PCDHA9: variants seen among roughly 807,000 people sequenced by gnomAD.
The protein encoded by PCDHA9 is protocadherin alpha-9.
PCDHA9 carries 62 observed loss-of-function variants against 62.0 expected under a neutral mutation model. That is an observed-to-expected ratio of 1.00 (90% CI 0.81 to 1.23). PCDHA9 has a LOEUF of 1.23. Ranked by LOEUF, PCDHA9 falls within the 50% of genes most tolerant of loss-of-function variation. The pLI is 0.00. For synonymous variants in PCDHA9, 557 were observed against 567.6 expected (o/e 0.98, Z 0.27); for missense variants, 1,205 against 1,249.8 (o/e 0.96, Z 0.54).
chr5:140,905,019 A>C (rs1000367022), intron 1 of PCDHA9, among the ~76,000 whole-genome samples: 23 of 152,044 alleles, frequency 1.5e-4, no homozygotes, highest in African/African-American at 5.6e-4. Context: ...ATTCTTTTCT[A>C]TGCAGAAGCT....
rs576802253 is a variant in PCDHA9 at position 140,888,837 on chromosome 5, C to T, written c.2394+37948C>T. ...GATCTGTGATCACATCACTCCACTG[C>T]AGCCTGGTGACAGAGTGAGACCATG... is the stretch of plus-strand genomic sequence containing the variant. On this transcript the variant is annotated intron_variant, in intron 1 of 3. Coordinates refer to ENST00000532602, the MANE Select transcript of PCDHA9 (RefSeq NM_031857.2). Among the ~76,000 whole-genome samples, 5 of 152,130 alleles carry T rather than the reference C, an allele frequency of 3.3e-5. No individual in the cohort carries two copies. In the South Asian group the frequency reaches 1.0e-3, roughly 32 times the overall value.
chr5:140,902,284 T>C (rs2069352303), intron 1 of PCDHA9, among the ~76,000 whole-genome samples: 2 of 149,984 alleles, frequency 1.3e-5, no homozygotes, highest in South Asian at 4.3e-4. Context: ...GCAATCCTCC[T>C]GCCTCAGCCT....
intron 3 of PCDHA9, chr5:140,988,770 G>A (rs1388594585): frequency 6.6e-6 from 1 of 152,168 alleles, no homozygotes; most frequent in African/African-American, 2.4e-5. Flanking sequence ...TACAGTCATG[G>A]TTAAGACCAT....
chr5:140,938,875 C>T (rs2092238013), intron 1 of PCDHA9, among the ~76,000 whole-genome samples: 1 of 151,912 alleles, frequency 6.6e-6, no homozygotes. Flanking sequence ...AGTTAAGAAG[C>T]AACACACACA....
chr5:140,986,566 TTA>T (rs782155316), intron 3 of PCDHA9, among the ~76,000 whole-genome samples: 3 of 152,114 alleles, frequency 2.0e-5, no homozygotes, highest in Non-Finnish European at 4.4e-5. Context: ...TTGTTATCTG[TTA>T]TTGGTTTTTC....
Position 140,849,915 on chromosome 5 carries a change from A to T in PCDHA9, c.1420A>T (p.Ile474Phe), listed in dbSNP as rs1554143492. The T allele has an allele frequency of 1.9e-6, 3 of 1,598,260 alleles. No homozygotes were observed. The highest frequency in any genetic ancestry group is 8.6e-7 in the Non-Finnish European group (1 of 1,167,778). Residue 474 changes from isoleucine to phenylalanine, a missense_variant, in exon 1 of 4, where the codon ATC (isoleucine) becomes TTC (phenylalanine). Transcript: ENST00000532602. ...VKENNPPGCH[I>F]FTVSARDADA... ...GGAGAACAACCCGCCGGGCTGCCAC[A>T]TCTTCACGGTGTCTGCGCGGGACGC...
At chr5:140,967,547 A>G (rs1554229662) in intron 1 of PCDHA9, 1 of 1,613,890 alleles carries the variant, frequency 6.2e-7, no homozygotes, top group Non-Finnish European at 8.5e-7. Context: ...TGACCAGTCC[A>G]CTTATCGCGT....
rs2150481725 is a variant in PCDHA9, at chr5:140,850,382, C to T, written c.1887C>T (p.Gly629=). The T allele has an allele frequency of 1.3e-6, 2 of 1,597,874 alleles. No individual in the cohort carries two copies. The highest frequency in any genetic ancestry group is 2.2e-5 in the East Asian group (1 of 44,842). Residue 629 remains glycine (G), a synonymous_variant, in exon 1 of 4, where the codon GGC becomes GGT. Coordinates refer to ENST00000532602, the MANE Select transcript of PCDHA9 (RefSeq NM_031857.2). The stretch of plus-strand genomic sequence containing the variant: ...CGTTCCGCGTGGGGCTGTACACGGG[C>T]GAGATCAGCACAACGCGTGCCCTGG... ...SIPFRVGLYT[G]EISTTRALDE...
chr5:140,891,596 A>T (rs191602934), intron 1 of PCDHA9, among the ~76,000 whole-genome samples: 2 of 152,134 alleles, frequency 1.3e-5, no homozygotes, highest in African/African-American at 4.8e-5. Flanking sequence ...ACTCTATCCC[A>T]TCTATTTCTA....
rs868946985 is a variant in PCDHA9, at chr5:140,985,825, T to C, written c.2542+3262T>C. ...CACGATCTCAGCTCACAACAAGCTC[T>C]GCCTCCCGGGTTCATGCCACTCTCC... On this transcript the variant is annotated intron_variant, in intron 3 of 3. Transcript: ENST00000532602. 4.1e-4 allele frequency among the ~76,000 whole-genome samples: 61 copies of C among 148,858 alleles called. 1 individual carries two copies. The highest frequency in any genetic ancestry group is 2.7e-4 in the Admixed American group (4 of 14,688).
chr5:140,968,657 G>T (rs782383428), intron 1 of PCDHA9: 16 of 1,614,142 alleles, frequency 9.9e-6, no homozygotes, highest in Non-Finnish European at 1.4e-5. Flanking sequence ...TTCTGACCTG[G>T]ACCTCTTTAA....
At chr5:140,923,888 G>A (rs575485843) in intron 1 of PCDHA9, among the ~76,000 whole-genome samples, 1 of 152,294 alleles carries the variant, frequency 6.6e-6, no homozygotes, top group Admixed American at 6.5e-5. Context: ...GTGTGAAAGA[G>A]GAGGAGTTTC....
chr5:140,935,280 G>A (rs1039041502), intron 1 of PCDHA9, among the ~76,000 whole-genome samples: 2 of 152,114 alleles, frequency 1.3e-5, no homozygotes, highest in Admixed American at 6.5e-5. Context: ...ATCTAATAAA[G>A]TTCAGCACTC....
intron 1 of PCDHA9, chr5:140,883,596 TG>T (rs1562791192): frequency 7.4e-6 from 12 of 1,613,794 alleles, no homozygotes; most frequent in Non-Finnish European, 1.0e-5. Context: ...AGCGTGTCGG[TG>T]GGGGTGGCCG....
Position 141,011,060 on chromosome 5 carries a change from A to G in PCDHA9, c.*1123A>G, listed in dbSNP as rs1588257572. On this transcript the variant is annotated 3_prime_UTR_variant, in exon 4 of 4. Coordinates refer to ENST00000532602, the MANE Select transcript of PCDHA9 (RefSeq NM_031857.2). ...AGGTCACTCTGGGGCTGCCTCTTGC[A>G]TGTATTACTAAATAAAATGATCTCT... is the stretch of plus-strand genomic sequence containing the variant. 1.3e-5 allele frequency: 2 copies of G among 153,758 alleles called. No individual in the cohort carries two copies. Among genetic ancestry groups the G allele is most frequent in the Non-Finnish European group, 2.9e-5 (2 of 68,046 alleles). The allele number at this position is 153,758 out of a possible 1,614,324, so 9.5% of individuals were successfully genotyped here. A position where few individuals can be genotyped will look rare whatever the true frequency, so the allele number is the denominator to read the frequency against.
At chr5:140,896,864 G>A (rs1223708211) in intron 1 of PCDHA9, among the ~76,000 whole-genome samples, 1 of 152,088 alleles carries the variant, frequency 6.6e-6, no homozygotes, top group Admixed American at 6.5e-5. Flanking sequence ...CATAATAAGT[G>A]TACATATTTA....
At chr5:140,895,130 G>A (rs1423440826) in intron 1 of PCDHA9, among the ~76,000 whole-genome samples, 11 of 152,232 alleles carry the variant, frequency 7.2e-5, no homozygotes, top group African/African-American at 2.6e-4. Flanking sequence ...TAGTTGACAA[G>A]TTCATAGGGC....
intron 1 of PCDHA9, among the ~76,000 whole-genome samples, chr5:140,890,847 C>A (rs2062829860): frequency 1.3e-5 from 2 of 152,148 alleles, no homozygotes. Flanking sequence ...AGTTTTGTTT[C>A]TCTTCCTTAC....
At chr5:140,886,339 C>T (rs181002773) in intron 1 of PCDHA9, among the ~76,000 whole-genome samples, 87 of 151,982 alleles carry the variant, frequency 5.7e-4, no homozygotes, top group Non-Finnish European at 1.2e-3. Flanking sequence ...ATGTGCAGAA[C>T]GTGCAGGTTT....
Sources: gnomAD v4.1 joint callset for allele counts (sites outside exome capture counted in the v4.1 genomes callset) on GRCh38, gnomAD v4.1.1 for gene constraint, MANE v1.5 for transcripts, NCBI Gene and HGNC (gene_info 2026-07-23, HGNC 2026-07-21) for gene names.